The following SLF1 variants were observed in gnomAD, a reference collection of about 807,000 sequenced individuals.
SLF1 encodes the protein SMC5-SMC6 complex localization factor protein 1.
Under a neutral mutation model 123.0 loss-of-function variants are expected in SLF1, and 105 were observed. That is an observed-to-expected ratio of 0.85 (90% CI 0.73 to 1.00). The LOEUF (loss-of-function observed/expected upper bound fraction) is 1.00. Among genes scored for constraint, SLF1 ranks in the 50% least tolerant of loss-of-function variants. The pLI, the probability that SLF1 is intolerant of heterozygous loss-of-function variation, is 0.00. For synonymous variants in SLF1, 434 were observed against 406.6 expected (o/e 1.07, Z -0.81); for missense variants, 1,239 against 1,223.0 (o/e 1.01, Z -0.20).
At chr5:94,681,747 G>A (rs1751805001) in intron 15 of SLF1, among the ~76,000 whole-genome samples, 2 of 151,058 alleles carry the variant, frequency 1.3e-5, no homozygotes, top group Non-Finnish European at 2.9e-5. Flanking sequence ...AATATGCGGT[G>A]TCTGGTTTTT....
intron 4 of SLF1, 70 bp from the exon 5 acceptor site, chr5:94,643,203 T>C (rs993170123): frequency 1.6e-6 from 2 of 1,223,068 alleles, no homozygotes; most frequent in African/African-American, 1.6e-5. Context: ...AAGAAATAAT[T>C]AATTTAGATA....
intron 5 of SLF1, 41 bp downstream of exon 5, chr5:94,643,476 T>G (rs764680751): frequency 6.1e-5 from 79 of 1,297,374 alleles, no homozygotes; most frequent in Non-Finnish European, 1.4e-5. Flanking sequence ...TTGTTTCATG[T>G]GTTCATTTTA....
intron 1 of SLF1, among the ~76,000 whole-genome samples, chr5:94,619,209 T>G (rs1242182524): frequency 6.6e-6 from 1 of 152,150 alleles, no homozygotes; most frequent in Non-Finnish European, 1.5e-5. Context: ...ACTTAGCGTC[T>G]GCGAAGGTGG....
Position 94,649,447 on chromosome 5 carries a change from C to A in SLF1, c.595-7C>A. The A allele has an allele frequency of 6.1e-6, 9 of 1,486,752 alleles. No individual in the cohort carries two copies. Among genetic ancestry groups the A allele is most frequent in the Middle Eastern group, 1.9e-4 (1 of 5,172 alleles). The allele number at this position is 1,486,752 out of a possible 1,614,324, so 92.1% of individuals were successfully genotyped here. A position where few individuals can be genotyped will look rare whatever the true frequency, so the allele number is the denominator to read the frequency against. On this transcript the variant is annotated splice_region_variant and splice_polypyrimidine_tract_variant and intron_variant, in intron 5 of 20. Coordinates refer to ENST00000265140, the MANE Select transcript of SLF1 (RefSeq NM_032290.4). ...TGATTGCCTAAACCATTTTTACATA[C>A]ATACAGAAAGAAATTCAGAATGATG... is the stretch of plus-strand genomic sequence containing the variant.
chr5:94,646,016 T>G (rs181740940), intron 5 of SLF1, among the ~76,000 whole-genome samples: 25 of 152,280 alleles, frequency 1.6e-4, no homozygotes, highest in African/African-American at 6.0e-4. Context: ...TTTGGGAAGC[T>G]GAGGCAGGAG....
intron 1 of SLF1, among the ~76,000 whole-genome samples, chr5:94,621,349 T>C (rs1791769563): frequency 6.6e-6 from 1 of 152,188 alleles, no homozygotes; most frequent in African/African-American, 2.4e-5. Flanking sequence ...TCACTCCGAT[T>C]TCCCAGTATC....
At chr5:94,668,678 C>G (rs1428502145) in intron 12 of SLF1, among the ~76,000 whole-genome samples, 1 of 152,146 alleles carries the variant, frequency 6.6e-6, no homozygotes, top group East Asian at 1.9e-4. Context: ...TGAAGTCTCC[C>G]TGTGTTGCCC....
chr5:94,657,756 T>C (rs1003484476), intron 9 of SLF1, among the ~76,000 whole-genome samples: 1 of 152,134 alleles, frequency 6.6e-6, no homozygotes, highest in African/African-American at 2.4e-5. Flanking sequence ...TTTAGAATTG[T>C]TATATCTTCT....
chr5:94,671,178 TG>T (rs936854307), intron 14 of SLF1, among the ~76,000 whole-genome samples, 170 bp downstream of exon 14: 5 of 151,902 alleles, frequency 3.3e-5, no homozygotes, highest in Non-Finnish European at 7.4e-5. Context: ...CCTTGGAGAC[TG>T]GTTCCTTCAT....
chr5:94,668,570 A>T (rs1203119969), intron 12 of SLF1, among the ~76,000 whole-genome samples: 1 of 151,998 alleles, frequency 6.6e-6, no homozygotes, highest in Non-Finnish European at 1.5e-5. Context: ...TCCTGACCTT[A>T]GGTGATCCAC....
rs577902289 is a variant in SLF1 at position 94,696,927 on chromosome 5, G to A, written c.*1615G>A. On this transcript the variant is annotated 3_prime_UTR_variant, in exon 21 of 21. Transcript: ENST00000265140. Reference sequence around the variant, plus strand: ...CTTTCTAATTCTTACCTCCTCTTTTGATTATAATGAATCATTTAGACAAAA... The same window carrying A: ...CTTTCTAATTCTTACCTCCTCTTTTAATTATAATGAATCATTTAGACAAAA... 2.6e-5 allele frequency: 4 copies of A among 151,668 alleles called. No homozygotes were observed. The highest frequency in any genetic ancestry group is 2.6e-4 in the Admixed American group (4 of 15,206). The allele number at this position is 151,668 out of a possible 1,614,324, so 9.4% of individuals were successfully genotyped here.
intron 9 of SLF1, among the ~76,000 whole-genome samples, chr5:94,659,881 G>A (rs1271953291): frequency 6.6e-6 from 1 of 152,096 alleles, no homozygotes; most frequent in Admixed American, 6.5e-5. Flanking sequence ...TGGTGTGCAT[G>A]GCATTCGTGA....
intron 14 of SLF1, among the ~76,000 whole-genome samples, chr5:94,673,036 A>G (rs1255094523): frequency 2.0e-5 from 3 of 152,314 alleles, no homozygotes; most frequent in Non-Finnish European, 2.9e-5. Context: ...GGGTAGTTCA[A>G]ATGAAGTAAA....
At position 94,688,606 on chromosome 5, in the gene SLF1, A is replaced by T; in HGVS notation, c.2222A>T (p.Gln741Leu). ...GGACAGCGGCCTTGTTTTGACTCTC[A>T]GAGAACCTTACTAATGCTGAATGGT... ...KIGQRPCFDS[Q>L]RTLLMLNGTK... The change falls in exon 17 of 21, where the codon CAG becomes CTG. Residue 741 changes from glutamine to leucine, a missense_variant. Gln to Leu is a moderately radical substitution (Grantham distance 113). Transcript: ENST00000265140. 6.2e-7 allele frequency: 1 copy of T among 1,614,138 alleles called. No individual in the cohort carries two copies. The highest frequency in any genetic ancestry group is 8.5e-7 in the Non-Finnish European group (1 of 1,179,988).
At chr5:94,623,630 C>T (rs1232090938) in intron 1 of SLF1, among the ~76,000 whole-genome samples, 1 of 152,028 alleles carries the variant, frequency 6.6e-6, no homozygotes, top group African/African-American at 2.4e-5. Context: ...TACTTTCCTT[C>T]TTGTGCTGCA....
chr5:94,640,188 G>A (rs1746286952), intron 4 of SLF1, among the ~76,000 whole-genome samples: 1 of 152,130 alleles, frequency 6.6e-6, no homozygotes, highest in South Asian at 2.1e-4. Flanking sequence ...ATGTAAGTGT[G>A]CTGGTAATGA....
chr5:94,650,818 C>T (rs1747623120), intron 6 of SLF1, among the ~76,000 whole-genome samples: 1 of 151,980 alleles, frequency 6.6e-6, no homozygotes, highest in East Asian at 1.9e-4. Context: ...AGTTGATGTG[C>T]CTCTTGTGAA....
intron 12 of SLF1, 94 bp downstream of exon 12, chr5:94,666,118 A>G: frequency 8.0e-7 from 1 of 1,249,494 alleles, no homozygotes; most frequent in African/African-American, 1.5e-5. Flanking sequence ...GTATCTTTCT[A>G]CTTTTGGAAA....
chr5:94,670,104 T>C (rs1204979922), intron 12 of SLF1, 47 bp from the exon 13 acceptor site: 9 of 1,486,848 alleles, frequency 6.1e-6, no homozygotes, highest in Non-Finnish European at 7.2e-6. Flanking sequence ...ACAAATGACT[T>C]AGTGAATTGC....
Sources: allele counts gnomAD v4.1 joint callset (sites outside exome capture counted in the v4.1 genomes callset), GRCh38; gene constraint gnomAD v4.1.1; transcripts MANE v1.5; gene names NCBI Gene and HGNC (gene_info 2026-07-23, HGNC 2026-07-21).